Variants in SAXO1 observed in about 807,000 individuals in gnomAD.
The protein encoded by SAXO1 is stabilizer of axonemal microtubules 1, also known as 4930500O09Rik.
SAXO1 carries 21 observed loss-of-function variants against 17.5 expected under a neutral mutation model. The observed-to-expected ratio is 1.20, with a 90% CI of 0.85 to 1.72. The LOEUF (loss-of-function observed/expected upper bound fraction) is 1.72, where lower values mean the gene tolerates loss of function less well. SAXO1 is among the 40% of genes most tolerant of loss of function. The pLI is 0.00. For missense variants in SAXO1, 843 were observed against 596.0 expected, an observed-to-expected ratio of 1.41 and a Z score of -4.32; for synonymous variants, 274 against 216.5, an observed-to-expected ratio of 1.27 and a Z score of -2.33.
At chr9:19,014,455 T>C (rs548614565) in intron 1 of SAXO1, among the ~76,000 whole-genome samples, 4,756 of 46,478 alleles carry the variant, frequency 0.1, 136 homozygotes, top group Non-Finnish European at 0.19. Context: ...AGCGAAACTG[T>C]GTCTCAAAAA....
Position 19,017,624 on chromosome 9 carries a change from C to G in SAXO1, c.38+15247G>C, listed in dbSNP as rs1181740544. On this transcript the variant is annotated intron_variant, in intron 1 of 3. Coordinates refer to ENST00000380534, the MANE Select transcript of SAXO1 (RefSeq NM_153707.4). ...ATTCCAACCTTGCCTCTCCACACTT[C>G]TGCAAACTGCCCCACAGCCTTTTGC... 2.6e-5 allele frequency among the ~76,000 whole-genome samples: 4 copies of G among 152,350 alleles called. No individual in the cohort carries two copies. The East Asian group carries it at 5.8e-4, about 22-fold the overall frequency.
In SAXO1 at chr9:18,942,468, G is replaced by A. The variant is rs77600661; in HGVS notation, c.219-629C>T. On this transcript the variant is annotated intron_variant, in intron 2 of 3. Coordinates refer to ENST00000380534, the MANE Select transcript of SAXO1 (RefSeq NM_153707.4). ...TCACTGCGGAGGTATCTTCCTTTCAGGTGCCGCTGCCACCTTCTCTGTGTT... is the reference window on the plus strand; with the variant it reads ...TCACTGCGGAGGTATCTTCCTTTCAAGTGCCGCTGCCACCTTCTCTGTGTT... Among the ~76,000 whole-genome samples, 1,280 of 152,058 alleles carry A rather than the reference G, an allele frequency of 8.4e-3. 28 individuals carry two copies. The East Asian group carries it at 0.086, about 10-fold the overall frequency.
intron 1 of SAXO1, among the ~76,000 whole-genome samples, chr9:19,029,593 G>T (rs1835666520): frequency 6.6e-6 from 1 of 152,150 alleles, no homozygotes; most frequent in Non-Finnish European, 1.5e-5. Context: ...GGATTTAATT[G>T]GGGTGGGAGA....
At chr9:19,037,506 C>T (rs2131065586), upstream of SAXO1, among the ~76,000 whole-genome samples, 1 of 152,322 alleles carries the variant, frequency 6.6e-6, no homozygotes, top group South Asian at 2.1e-4. Flanking sequence ...GTAAGTCTCA[C>T]AAGTTCTGAT....
chr9:19,023,617 T>C (rs1241713764), intron 1 of SAXO1, among the ~76,000 whole-genome samples: 1 of 152,118 alleles, frequency 6.6e-6, no homozygotes, highest in Non-Finnish European at 1.5e-5. Context: ...CAATCATCAC[T>C]TAATCATGTG....
Position 18,927,860 on chromosome 9 carries a change from A to C in SAXO1, c.*192T>G. The C allele has an allele frequency of 1.7e-6, 1 of 584,264 alleles. No homozygotes were observed. The highest frequency in any genetic ancestry group is 2.9e-6 in the Non-Finnish European group (1 of 350,688). 36.2% of individuals were successfully genotyped at this position (584,264 alleles called of 1,614,324 possible). A position where few individuals can be genotyped will look rare whatever the true frequency, so the allele number is the denominator to read the frequency against. ...GTAAAGGAGAAGGTAAGGGGAGTTA[A>C]TTAGCCGGTGATTAAATGTCATTTT... On this transcript the variant is annotated 3_prime_UTR_variant, in exon 4 of 4. Coordinates refer to ENST00000380534, the MANE Select transcript of SAXO1 (RefSeq NM_153707.4).
intron 1 of SAXO1, among the ~76,000 whole-genome samples, chr9:19,047,524 G>C (rs973472598): frequency 6.6e-6 from 1 of 152,168 alleles, no homozygotes; most frequent in African/African-American, 2.4e-5. Context: ...AGACACATTG[G>C]AGAGTCCAGT....
chr9:18,977,564 G>T (rs1381227251), intron 1 of SAXO1, among the ~76,000 whole-genome samples: 1 of 152,106 alleles, frequency 6.6e-6, no homozygotes, highest in Non-Finnish European at 1.5e-5. Flanking sequence ...TGAATCTAAA[G>T]TTCATGTTTG....
intron 1 of SAXO1, among the ~76,000 whole-genome samples, chr9:18,954,712 T>C (rs1280374294): frequency 6.6e-6 from 1 of 152,112 alleles, no homozygotes; most frequent in Non-Finnish European, 1.5e-5. Context: ...GTTATGTAGA[T>C]GAAAAATCTG....
intron 1 of SAXO1, among the ~76,000 whole-genome samples, chr9:19,009,606 C>T (rs971137428): frequency 7.2e-5 from 11 of 152,012 alleles, no homozygotes; most frequent in Non-Finnish European, 1.3e-4. Flanking sequence ...GAGGAGTACA[C>T]AGAATGAAAT....
intron 1 of SAXO1, among the ~76,000 whole-genome samples, chr9:18,967,776 G>A (rs375874550): frequency 6.2e-5 from 9 of 146,224 alleles, no homozygotes; most frequent in South Asian, 2.1e-4. Flanking sequence ...CCAGCGTTCC[G>A]GGCACCATTG....
intron 1 of SAXO1, among the ~76,000 whole-genome samples, chr9:19,024,525 A>G (rs1835391967): frequency 1.3e-5 from 2 of 152,102 alleles, no homozygotes; most frequent in African/African-American, 4.8e-5. Flanking sequence ...GCACACCAAC[A>G]TGGCACATGT....
chr9:19,025,349 T>G (rs986816214), intron 1 of SAXO1, among the ~76,000 whole-genome samples: 1 of 152,218 alleles, frequency 6.6e-6, no homozygotes, highest in Non-Finnish European at 1.5e-5. Context: ...ACATGTAATA[T>G]GAAACCAAGT....
intron 1 of SAXO1, among the ~76,000 whole-genome samples, chr9:19,025,723 G>A (rs1026285827): frequency 1.3e-5 from 2 of 152,192 alleles, no homozygotes; most frequent in Admixed American, 1.3e-4. Context: ...ATGGTGCACT[G>A]TAAGCTGTAA....
intron 1 of SAXO1, among the ~76,000 whole-genome samples, chr9:19,017,880 G>A (rs145491774): frequency 3.9e-4 from 60 of 152,294 alleles, no homozygotes; most frequent in African/African-American, 1.4e-3. Flanking sequence ...TAGAAAACAT[G>A]GAACTGGCTG....
intron 1 of SAXO1, among the ~76,000 whole-genome samples, chr9:19,001,005 C>T (rs1449116653): frequency 6.6e-6 from 1 of 152,172 alleles, no homozygotes; most frequent in Admixed American, 6.5e-5. Context: ...TTTAACACCC[C>T]ACTGTCAATA....
Position 18,930,121 on chromosome 9 carries a change from A to C in SAXO1, c.422-1066T>G, listed in dbSNP as rs552034329. On this transcript the variant is annotated intron_variant, in intron 3 of 3. Coordinates refer to ENST00000380534, the MANE Select transcript of SAXO1 (RefSeq NM_153707.4). ...ATGTTCTTCTGATACCTCATATCAC[A>C]CTTAGGGGCATTTTATTTCCAGATG... Among the ~76,000 whole-genome samples the C allele has an allele frequency of 5.2e-4, 79 of 152,316 alleles. 1 individual carries two copies. The highest frequency in any genetic ancestry group is 1.7e-3 in the African/African-American group (70 of 41,568).
rs139182714 is a variant in SAXO1 at position 18,935,021 on chromosome 9, G to A, written c.422-5966C>T. The stretch of plus-strand genomic sequence containing the variant: ...AGCTCACTGCAACCTCCGCCTTCCC[G>A]GGTTCAAGCGATTCTCCTGCCTCAG... On this transcript the variant is annotated intron_variant, in intron 3 of 3. Coordinates refer to ENST00000380534, the MANE Select transcript of SAXO1 (RefSeq NM_153707.4). Among the ~76,000 whole-genome samples, 862 of 152,220 alleles carry A rather than the reference G, an allele frequency of 5.7e-3. 6 individuals carry two copies. The highest frequency in any genetic ancestry group is 8.5e-3 in the Non-Finnish European group (579 of 68,002).
In SAXO1 at chr9:18,927,827, G is replaced by C. The variant is rs1830828578; in HGVS notation, c.*225C>G. On this transcript the variant is annotated 3_prime_UTR_variant, in exon 4 of 4. Coordinates refer to ENST00000380534, the MANE Select transcript of SAXO1 (RefSeq NM_153707.4). ...AAAGTAAAGGACCTGAAACGGGGTG[G>C]GGATGCAGTAAAGGAGAAGGTAAGG... 1 of 473,856 alleles carries C rather than the reference G, an allele frequency of 2.1e-6. No individual in the cohort carries two copies. Among genetic ancestry groups the C allele is most frequent in the Non-Finnish European group, 3.6e-6 (1 of 274,170 alleles). The allele number at this position is 473,856 out of a possible 1,614,324, so 29.4% of individuals were successfully genotyped here. A position where few individuals can be genotyped will look rare whatever the true frequency, so the allele number is the denominator to read the frequency against.
Sources: gnomAD v4.1 joint callset for allele counts (sites outside exome capture counted in the v4.1 genomes callset) on GRCh38, gnomAD v4.1.1 for gene constraint, MANE v1.5 for transcripts, NCBI Gene and HGNC (gene_info 2026-07-23, HGNC 2026-07-21) for gene names.